DLL3: variants seen among roughly 807,000 people sequenced by gnomAD.
The protein encoded by DLL3 is delta-like protein 3.
A neutral mutation model predicts 55.0 loss-of-function variants in DLL3; 49 were observed. That is an observed-to-expected ratio of 0.89 (90% CI 0.71 to 1.13). The LOEUF (loss-of-function observed/expected upper bound fraction) is 1.13. DLL3 is among the 50% of genes most tolerant of loss of function. DLL3 has a pLI of 0.00. For synonymous variants in DLL3, 421 were observed against 385.2 expected (o/e 1.09, Z -1.09); for missense variants, 962 against 875.5 (o/e 1.10, Z -1.25).
chr19:39,499,523 A>G (rs1332180039), intron 2 of DLL3, 50 bp downstream of exon 2: 1 of 1,554,294 alleles, frequency 6.4e-7, no homozygotes, highest in African/African-American at 1.4e-5. Flanking sequence ...TAACCCTGCC[A>G]GCGAAACCTC....
At chr19:39,500,303 C>G (rs949253837) in intron 2 of DLL3, among the ~76,000 whole-genome samples, 9 of 149,716 alleles carry the variant, frequency 6.0e-5, no homozygotes, top group African/African-American at 2.2e-4. Context: ...GTGACATGCG[C>G]GTGTAGTCCC....
Position 39,502,824 on chromosome 19 carries a change from G to T in DLL3, c.419G>T (p.Trp140Leu). ...TTGCCTGTCCTCGCAGGGCCCGCCT[G>T]GAGCCTGCTGGCGCGCGTGGCTGGC... ...ELGDQIGGPA[W>L]SLLARVAGRR... Residue 140 changes from tryptophan to leucine, a missense_variant, in exon 4 of 9, where the codon TGG becomes TTG. Coordinates refer to ENST00000356433, the MANE Select transcript of DLL3 (RefSeq NM_203486.3). 7.0e-7 allele frequency: 1 copy of T among 1,420,034 alleles called. No individual in the cohort carries two copies. Among genetic ancestry groups the T allele is most frequent in the South Asian group, 1.5e-5 (1 of 65,846 alleles). The allele number at this position is 1,420,034 out of a possible 1,614,324, so 88.0% of individuals were successfully genotyped here.
intron 8 of DLL3, 147 bp from the exon 9 acceptor site, chr19:39,508,105 C>G (rs1262628512): frequency 1.9e-6 from 3 of 1,610,378 alleles, no homozygotes; most frequent in Non-Finnish European, 2.5e-6. Flanking sequence ...TTTGAGCTAC[C>G]TGCCATCTTC....
rs2079619597 is a variant in DLL3 at position 39,503,005 on chromosome 19, C to T, written c.600C>T (p.Cys200=). The T allele has an allele frequency of 2.0e-6, 3 of 1,484,620 alleles. No homozygotes were observed. Among genetic ancestry groups the T allele is most frequent in the Non-Finnish European group, 2.7e-6 (3 of 1,125,338 alleles). The allele number at this position is 1,484,620 out of a possible 1,614,324, so 92.0% of individuals were successfully genotyped here. A position where few individuals can be genotyped will look rare whatever the true frequency, so the allele number is the denominator to read the frequency against. ...LCRPRSAPSR[C]GPGLRPCAPL... ...GTCCGCGCAGCGCCCCCTCGCGGTGCGGTCCGGGACTGCGCCCCTGCGCAC... is the reference window on the plus strand; with the variant it reads ...GTCCGCGCAGCGCCCCCTCGCGGTGTGGTCCGGGACTGCGCCCCTGCGCAC... Residue 200 remains cysteine, a synonymous_variant, in exon 4 of 9, where the codon TGC becomes TGT. Coordinates refer to ENST00000356433, the MANE Select transcript of DLL3 (RefSeq NM_203486.3).
At chr19:39,499,093 G>C in intron 1 of DLL3, 50 bp downstream of exon 1, 1 of 1,613,758 alleles carries the variant, frequency 6.2e-7, no homozygotes, top group Non-Finnish European at 8.5e-7. Context: ...GCGGAGGGGA[G>C]GGGTGAGTGC....
chr19:39,503,976 G>A, intron 4 of DLL3, 95 bp from the exon 5 acceptor site: 1 of 1,232,270 alleles, frequency 8.1e-7, no homozygotes. Context: ...AGGTGGCTCA[G>A]GGAACGTGCT....
At chr19:39,504,540 T>C (rs2144761291) in intron 5 of DLL3, among the ~76,000 whole-genome samples, 1 of 152,232 alleles carries the variant, frequency 6.6e-6, no homozygotes, top group Admixed American at 6.5e-5. Context: ...AGGAGCCGTG[T>C]GGGGCCACAG....
rs958737615 is a variant in DLL3 at position 39,502,231 on chromosome 19, G to A, written c.410-584G>A. Among the ~76,000 whole-genome samples the A allele has an allele frequency of 2.0e-5, 3 of 151,688 alleles. 1 individual carries two copies. In the South Asian group the frequency reaches 6.3e-4, roughly 32 times the overall value. On this transcript the variant is annotated intron_variant, in intron 3 of 8. Transcript: ENST00000356433. Reference sequence around the variant, plus strand: ...AACAAATATCTGGGTCAAAATACAGGAGTATTACGGTTTCTATGAGATAAC... The same window carrying A: ...AACAAATATCTGGGTCAAAATACAGAAGTATTACGGTTTCTATGAGATAAC...
rs752572755 is a variant in DLL3, at chr19:39,507,406, C to G, written c.1461C>G (p.Asp487Glu). 1 of 1,585,750 alleles carries G rather than the reference C, an allele frequency of 6.3e-7. No individual in the cohort carries two copies. The highest frequency in any genetic ancestry group is 1.8e-5 in the Admixed American group (1 of 56,258). ...CCCCGCCGGGCCTCAGGCCCGGGGA[C>G]CCTCAGCGCTACCTTTTGCCTCCGG... ...PAAPPGLRPG[D>E]PQRYLLPPAL... is the part of the protein sequence containing the mutation. Residue 487 changes from aspartate to glutamate, a missense_variant, in exon 7 of 9, where the codon GAC becomes GAG. Coordinates refer to ENST00000356433, the MANE Select transcript of DLL3 (RefSeq NM_203486.3).
At chr19:39,502,239 C>T (rs113682429) in intron 3 of DLL3, among the ~76,000 whole-genome samples, 9,772 of 151,398 alleles carry the variant, frequency 0.065, 353 homozygotes, top group Non-Finnish European at 0.084. Context: ...AGGAGTATTA[C>T]GGTTTCTATG....
At chr19:39,501,165 A>AC (rs1480173168) in intron 3 of DLL3, among the ~76,000 whole-genome samples, 2 of 151,820 alleles carry the variant, frequency 1.3e-5, no homozygotes, top group Admixed American at 6.6e-5. Flanking sequence ...ACACCTGGCT[A>AC]CTTTTTTTTG....
chr19:39,500,536 C>A, intron 2 of DLL3, 79 bp from the exon 3 acceptor site: 1 of 1,348,094 alleles, frequency 7.4e-7, no homozygotes, highest in Non-Finnish European at 1.1e-6. Context: ...CCCTCCATTC[C>A]TGAACTCTGG....
chr19:39,502,931 G>A lies in DLL3; in HGVS notation c.526G>A (p.Ala176Thr), dbSNP rs775830225. 3.5e-6 allele frequency: 5 copies of A among 1,439,790 alleles called. No homozygotes were observed. The South Asian group carries it at 5.5e-5, about 16-fold the overall frequency. 89.2% of individuals were successfully genotyped at this position (1,439,790 alleles called of 1,614,324 possible). Residue 176 changes from alanine (A) to threonine (T), a missense_variant, in exon 4 of 9, where the codon GCG becomes ACG. Coordinates refer to ENST00000356433, the MANE Select transcript of DLL3 (RefSeq NM_203486.3). Reference sequence around the variant, plus strand: ...CTGGGAGCTGCGCTTCTCGTACCGCGCGCGCTGCGAGCCGCCTGCCGTCGG... The same window carrying A: ...CTGGGAGCTGCGCTTCTCGTACCGCACGCGCTGCGAGCCGCCTGCCGTCGG... ...GAWELRFSYR[A>T]RCEPPAVGTA...
chr19:39,506,137 G>A (rs2079639123), intron 6 of DLL3, among the ~76,000 whole-genome samples: 2 of 145,556 alleles, frequency 1.4e-5, no homozygotes, highest in African/African-American at 2.6e-5. Context: ...ACTTGAACCC[G>A]GGAGGCGGAG....
Position 39,507,491 on chromosome 19 carries a change from C to T in DLL3, c.1546C>T (p.Arg516Cys). Residue 516 changes from arginine (R) to cysteine (C), a missense_variant, in exon 7 of 9, where the codon CGC (arginine) becomes TGC (cysteine). Transcript: ENST00000356433. ...AGAALLLVHV[R>C]RRGHSQDAGS... ...CGCTGCGCTCTTGCTGGTCCACGTG[C>T]GCCGCCGTGGCCACTCCCAGGATGC... 7 of 1,594,396 alleles carry T rather than the reference C, an allele frequency of 4.4e-6. No homozygotes were observed. Among genetic ancestry groups the T allele is most frequent in the Non-Finnish European group, 6.0e-6 (7 of 1,171,722 alleles).
chr19:39,502,864 A>C lies in DLL3; in HGVS notation c.459A>C (p.Ala153=). 7.1e-7 allele frequency: 1 copy of C among 1,412,756 alleles called. No individual in the cohort carries two copies. The highest frequency in any genetic ancestry group is 1.5e-5 in the South Asian group (1 of 67,194). 87.5% of individuals were successfully genotyped at this position (1,412,756 alleles called of 1,614,324 possible). The change falls in exon 4 of 9, where the codon GCA becomes GCC. Residue 153 remains alanine (A), a synonymous_variant. Coordinates refer to ENST00000356433, the MANE Select transcript of DLL3 (RefSeq NM_203486.3). Reference sequence around the variant, plus strand: ...GCGTGGCTGGCAGGCGGCGCTTGGCAGCCGGAGGCCCGTGGGCCCGGGACA... The same window carrying C: ...GCGTGGCTGGCAGGCGGCGCTTGGCCGCCGGAGGCCCGTGGGCCCGGGACA... ...LARVAGRRRL[A]AGGPWARDIQ...
chr19:39,507,265 C>A lies in DLL3; in HGVS notation c.1320C>A (p.His440Gln), dbSNP rs577978350. 2.0e-6 allele frequency: 3 copies of A among 1,530,220 alleles called. No individual in the cohort carries two copies. In the South Asian group the frequency reaches 3.6e-5, roughly 18 times the overall value. 94.8% of individuals were successfully genotyped at this position (1,530,220 alleles called of 1,614,324 possible). A position where few individuals can be genotyped will look rare whatever the true frequency, so the allele number is the denominator to read the frequency against. ...ADPCAARPCA[H>Q]GGRCYAHFSG... is the part of the protein sequence containing the mutation. Reference sequence around the variant, plus strand: ...CGTGCGCCGCGCGCCCCTGTGCTCACGGCGGCCGCTGCTACGCCCACTTCT... The same window carrying A: ...CGTGCGCCGCGCGCCCCTGTGCTCAAGGCGGCCGCTGCTACGCCCACTTCT... Residue 440 changes from histidine (H) to glutamine (Q), a missense_variant, in exon 7 of 9, where the codon CAC (histidine) becomes CAA (glutamine). Transcript: ENST00000356433.
At chr19:39,499,073 A>C (rs1358645637) in intron 1 of DLL3, 30 bp downstream of exon 1, 3 of 1,613,868 alleles carry the variant, frequency 1.9e-6, no homozygotes, top group African/African-American at 2.7e-5. Context: ...TGGCGTGGAA[A>C]GGGATGAATG....
At chr19:39,505,657 C>T (rs1354722474) in intron 6 of DLL3, 1 of 598,110 alleles carries the variant, frequency 1.7e-6, no homozygotes, top group East Asian at 2.9e-5. Context: ...TGTGCCAGGC[C>T]CTATTCTAGG....
Sources: gnomAD v4.1 joint callset for allele counts (sites outside exome capture counted in the v4.1 genomes callset) on GRCh38, gnomAD v4.1.1 for gene constraint, MANE v1.5 for transcripts, NCBI Gene and HGNC (gene_info 2026-07-23, HGNC 2026-07-21) for gene names.